Variants in TASOR2 observed in about 807,000 individuals in gnomAD.
The protein encoded by TASOR2 is transcription activation suppressor family member 2, also known as protein TASOR 2.
Under a neutral mutation model 199.5 loss-of-function variants are expected in TASOR2, and 84 were observed. The observed-to-expected ratio is 0.42, with a 90% confidence interval of 0.35 to 0.50. The LOEUF is 0.50. Among genes scored for constraint, TASOR2 ranks in the 20% least tolerant of loss-of-function variants. The probability of loss-of-function intolerance (pLI) is 0.02; values close to 1 mark genes in which losing one functional copy is unlikely to be tolerated. For missense variants in TASOR2, 2,796 were observed against 2,835.9 expected (o/e 0.99, Z 0.32); for synonymous variants, 1,103 against 1,046.6 (o/e 1.05, Z -1.04).
At position 5,690,749 on chromosome 10, in the gene TASOR2, T is replaced by TA. The variant is rs1463023901; in HGVS notation, c.-288+5575dup. On this transcript the variant is annotated intron_variant, in intron 1 of 20. Coordinates refer to ENST00000328090, the Ensembl canonical transcript of TASOR2. The surrounding 1 kb of genome is among the most constrained non-coding windows in gnomAD (Gnocchi z 4.8). ...GCAATAAGTATATTAATGAATACGA[T>TA]ACAACCATTTTATACAGGCAAAAGA... 1.3e-5 allele frequency among the ~76,000 whole-genome samples: 2 copies of TA among 152,238 alleles called. No individual in the cohort carries two copies. Among genetic ancestry groups the TA allele is most frequent in the East Asian group, 3.8e-4 (2 of 5,202 alleles).
rs1838178329 is a variant in TASOR2 at position 5,703,570 on chromosome 10, C to T, written c.-287-9253C>T. Among the ~76,000 whole-genome samples, 4 of 135,052 alleles carry T rather than the reference C, an allele frequency of 3.0e-5. No individual in the cohort carries two copies. In the South Asian group the frequency reaches 7.5e-4, roughly 25 times the overall value. The allele number at this position is 135,052 out of a possible 152,430, so 88.6% of individuals were successfully genotyped here. On this transcript the variant is annotated intron_variant, in intron 1 of 20. Transcript: ENST00000328090. ...CCAGGCTGGAGTGCAGTGGCACAAT[C>T]TCGGCTCACTGCAAGCTCCGCCTCC...
At chr10:5,747,195 A>G (rs1415304814) in exon 15 of TASOR2, 4 of 1,614,058 alleles carry the variant, frequency 2.5e-6, no homozygotes, top group Non-Finnish European at 3.4e-6. Flanking sequence ...TTGATTCAGT[A>G]TTTATCAAAC....
intron 1 of TASOR2, among the ~76,000 whole-genome samples, chr10:5,707,619 T>C (rs1838796911): frequency 6.6e-6 from 1 of 151,900 alleles, no homozygotes; most frequent in African/African-American, 2.4e-5. Context: ...GGAATTACCA[T>C]AATGATCTTA....
intron 15 of TASOR2, 74 bp from the exon 17 acceptor site, chr10:5,756,539 T>A (rs1459262397): frequency 8.7e-6 from 13 of 1,497,658 alleles, no homozygotes. Flanking sequence ...TGCTTTTCAT[T>A]ATTTTAATAA....
At position 5,747,064 on chromosome 10, in the gene TASOR2, T is replaced by C. The variant is rs761566657; in HGVS notation, c.3643T>C (p.Leu1215=). 6.2e-6 allele frequency: 10 copies of C among 1,614,002 alleles called. No homozygotes were observed. In the East Asian group the frequency reaches 1.8e-4, roughly 29 times the overall value. ...GGACTCATCATCAGCCTCTACCACC[T>C]TGGGAAGGCAGTGTTCACTTAACTG... Residue 1215 remains leucine (L), a synonymous_variant, in exon 15 of 21, where the codon TTG becomes CTG. Coordinates refer to ENST00000328090, the Ensembl canonical transcript of TASOR2.
Position 5,735,565 on chromosome 10 carries a change from A to T in TASOR2, c.1447+19A>T, listed in dbSNP as rs751749641. On this transcript the variant is annotated intron_variant, in intron 12 of 20. Transcript: ENST00000328090. ...CAACCTGGTAAGAAATACTCTTCCT[A>T]TAAATTTAAACACCCCAATACAGAT... 1 of 1,609,824 alleles carries T rather than the reference A, an allele frequency of 6.2e-7. No individual in the cohort carries two copies. Among genetic ancestry groups the T allele is most frequent in the Non-Finnish European group, 8.5e-7 (1 of 1,178,826 alleles).
intron 18 of TASOR2, among the ~76,000 whole-genome samples, chr10:5,760,275 A>G (rs72772338): frequency 0.015 from 2,255 of 152,276 alleles, 20 homozygotes; most frequent in Middle Eastern, 0.041. Flanking sequence ...CCACCATTGT[A>G]TATGTGGTCC....
At position 5,738,986 on chromosome 10, in the gene TASOR2, AT is replaced by A. The variant is rs560165549; in HGVS notation, c.1448-628del. Reference sequence around the variant, plus strand: ...CAATGTTTTTGGTAATGAAAGTAAAATTTTAAAAGGTAATGGAATTAATTGA... The same window carrying A: ...CAATGTTTTTGGTAATGAAAGTAAAATTTAAAAGGTAATGGAATTAATTGA... On this transcript the variant is annotated intron_variant, in intron 12 of 20. Coordinates refer to ENST00000328090, the Ensembl canonical transcript of TASOR2. This position sits in a 1 kb window ranked among gnomAD's most constrained non-coding sequence, Gnocchi z 4.7. Among the ~76,000 whole-genome samples the A allele has an allele frequency of 2.0e-3, 302 of 152,348 alleles. 2 individuals are homozygous for A. The highest frequency in any genetic ancestry group is 6.9e-3 in the African/African-American group (287 of 41,580).
At chr10:5,700,308 A>G (rs972111090) in intron 1 of TASOR2, among the ~76,000 whole-genome samples, 2 of 152,036 alleles carry the variant, frequency 1.3e-5, no homozygotes, top group Non-Finnish European at 2.9e-5. Flanking sequence ...TGCATTGTGT[A>G]TACTACATTT....
At chr10:5,734,450 C>T (rs1206591519) in intron 11 of TASOR2, among the ~76,000 whole-genome samples, 1 of 152,126 alleles carries the variant, frequency 6.6e-6, no homozygotes, top group Non-Finnish European at 1.5e-5. Context: ...TGCACACTTT[C>T]CTCAGGCTTC....
chr10:5,746,902 G>A, exon 15 of TASOR2: 1 of 1,614,202 alleles, frequency 6.2e-7, no homozygotes, highest in Non-Finnish European at 8.5e-7. Context: ...GGTCATGGAG[G>A]CACTATCATT....
rs1224004170 is a variant in TASOR2 at position 5,739,611 on chromosome 10, A to G, written c.1448-7A>G. 3 of 1,601,960 alleles carry G rather than the reference A, an allele frequency of 1.9e-6. No individual in the cohort carries two copies. Among genetic ancestry groups the G allele is most frequent in the Non-Finnish European group, 2.6e-6 (3 of 1,174,286 alleles). ...CATCTCTCTTTTTTTTTTCTTTTATACTGAAGTCAAAGGAGAAACTGCTTC... is the reference window on the plus strand; with the variant it reads ...CATCTCTCTTTTTTTTTTCTTTTATGCTGAAGTCAAAGGAGAAACTGCTTC... On this transcript the variant is annotated splice_polypyrimidine_tract_variant and splice_region_variant and intron_variant, in intron 12 of 20. Transcript: ENST00000328090.
exon 15 of TASOR2, chr10:5,749,005 C>T (rs1337775917): frequency 1.2e-6 from 2 of 1,614,098 alleles, no homozygotes; most frequent in African/African-American, 1.3e-5. Flanking sequence ...AAAAGATGTT[C>T]CCACAGATGG....
chr10:5,759,727 A>G (rs1839496356), intron 18 of TASOR2, among the ~76,000 whole-genome samples: 1 of 152,274 alleles, frequency 6.6e-6, no homozygotes, highest in Admixed American at 6.5e-5. Context: ...AATCCCAGAA[A>G]GACGAAACGA....
chr10:5,761,591 C>A, intron 19 of TASOR2, 120 bp downstream of exon 20: 2 of 794,934 alleles, frequency 2.5e-6, no homozygotes. Context: ...CCATGGATAC[C>A]AGAATCACCC....
chr10:5,716,450 T>C (rs1832652531), intron 2 of TASOR2, among the ~76,000 whole-genome samples: 1 of 152,206 alleles, frequency 6.6e-6, no homozygotes, highest in African/African-American at 2.4e-5. Context: ...ATTCAACTCA[T>C]CTTCTAAGGG....
At chr10:5,762,786 G>A (rs1056734243) in intron 20 of TASOR2, 140 bp downstream of exon 21, 26 of 660,306 alleles carry the variant, frequency 3.9e-5, no homozygotes, top group Non-Finnish European at 6.4e-5. Context: ...TTGTTTAGGG[G>A]TGGAATTGCT....
At chr10:5,761,731 T>C (rs927108365) in intron 19 of TASOR2, 10 of 310,628 alleles carry the variant, frequency 3.2e-5, no homozygotes, top group Non-Finnish European at 5.9e-5. Context: ...TATACCGTAT[T>C]ATTTTTTAAA....
chr10:5,731,220 T>A lies in TASOR2; in HGVS notation c.1204+17T>A. The A allele has an allele frequency of 6.3e-7, 1 of 1,590,650 alleles. No individual in the cohort carries two copies. ...GAAAAAGAGGTAAGCACGATTTATT[T>A]ATGTGGGTTATTATAATAATAGTTG... is the stretch of plus-strand genomic sequence containing the variant. On this transcript the variant is annotated intron_variant, in intron 11 of 20. Transcript: ENST00000328090.
Sources: allele counts gnomAD v4.1 joint callset (sites outside exome capture counted in the v4.1 genomes callset), GRCh38; gene constraint gnomAD v4.1.1; non-coding constraint Gnocchi (gnomAD v3.1); transcripts MANE v1.5; gene names NCBI Gene and HGNC (gene_info 2026-07-23, HGNC 2026-07-21).